Variants in TRPS1 observed in about 807,000 individuals in gnomAD.
The protein encoded by TRPS1 is transcriptional repressor GATA binding 1.
TRPS1 carries 6 observed loss-of-function variants against 101.2 expected under a neutral mutation model. The ratio of observed to expected loss-of-function variants is 0.06; its 90% CI spans 0.03 to 0.12. The LOEUF (loss-of-function observed/expected upper bound fraction) is 0.12, where lower values mean the gene tolerates loss of function less well. TRPS1 is among the 10% of genes least tolerant of loss of function. The probability of loss-of-function intolerance (pLI) is 1.00; values close to 1 mark genes in which losing one functional copy is unlikely to be tolerated. For synonymous variants in TRPS1, 578 were observed against 589.8 expected, an observed-to-expected ratio of 0.98 and a Z score of 0.29; for missense variants, 1,363 against 1,567.0, an observed-to-expected ratio of 0.87 and a Z score of 2.20.
chr8:115,606,420 T>G (rs936895597), intron 3 of TRPS1, among the ~76,000 whole-genome samples: 8 of 152,206 alleles, frequency 5.3e-5, no homozygotes, highest in Admixed American at 4.6e-4. Context: ...AACTCAACAT[T>G]TACTGTACAT....
intron 5 of TRPS1, among the ~76,000 whole-genome samples, chr8:115,481,303 A>G (rs1814745856): frequency 6.6e-6 from 1 of 152,146 alleles, no homozygotes; most frequent in Non-Finnish European, 1.5e-5. Context: ...AAATGCATTG[A>G]GTTTAAATTT....
At chr8:115,434,238 TATA>T (rs1203298510) in intron 5 of TRPS1, among the ~76,000 whole-genome samples, 1 of 152,184 alleles carries the variant, frequency 6.6e-6, no homozygotes, top group Non-Finnish European at 1.5e-5. Context: ...TAGTCTGAGA[TATA>T]ATAACAATTA....
intron 5 of TRPS1, among the ~76,000 whole-genome samples, chr8:115,426,188 G>A (rs767041733): frequency 7.9e-5 from 12 of 151,966 alleles, no homozygotes; most frequent in Non-Finnish European, 1.5e-4. Flanking sequence ...GACACTGGAA[G>A]GAAAAAAATA....
chr8:115,427,477 A>G (rs1813215171), intron 5 of TRPS1, among the ~76,000 whole-genome samples: 1 of 151,902 alleles, frequency 6.6e-6, no homozygotes, highest in African/African-American at 2.4e-5. Flanking sequence ...TATTATCATT[A>G]TTATTATTAT....
chr8:115,574,631 T>C (rs932129693), intron 5 of TRPS1, among the ~76,000 whole-genome samples: 4 of 152,124 alleles, frequency 2.6e-5, no homozygotes, highest in African/African-American at 9.7e-5. Context: ...AAAATTCAGT[T>C]TGTGCACCAA....
chr8:115,473,878 A>G (rs1403593518), intron 5 of TRPS1, among the ~76,000 whole-genome samples: 4 of 152,142 alleles, frequency 2.6e-5, no homozygotes, highest in Non-Finnish European at 5.9e-5. Flanking sequence ...AGTTTCATTA[A>G]CATTTAGAGG....
At chr8:115,547,671 C>T (rs943212965) in intron 5 of TRPS1, among the ~76,000 whole-genome samples, 1 of 152,094 alleles carries the variant, frequency 6.6e-6, no homozygotes, top group Non-Finnish European at 1.5e-5. Flanking sequence ...TGCCACGGTC[C>T]CTAGTCCCTT....
intron 5 of TRPS1, among the ~76,000 whole-genome samples, chr8:115,513,298 A>G (rs1202418379): frequency 1.3e-5 from 2 of 151,680 alleles, no homozygotes. Flanking sequence ...TTCTTCTTGC[A>G]CTATATTCCC....
intron 3 of TRPS1, among the ~76,000 whole-genome samples, chr8:115,613,747 A>G (rs1371880309): frequency 6.6e-6 from 1 of 152,210 alleles, no homozygotes; most frequent in Non-Finnish European, 1.5e-5. Flanking sequence ...CTCCACATAC[A>G]CACATAAGAA....
intron 1 of TRPS1, among the ~76,000 whole-genome samples, chr8:115,641,678 G>A (rs955975134): frequency 2.0e-5 from 3 of 152,116 alleles, no homozygotes; most frequent in Admixed American, 6.5e-5. Flanking sequence ...TCAGGAGTTC[G>A]AGATCACCCT....
At chr8:115,579,274 A>G (rs1817390511) in intron 5 of TRPS1, among the ~76,000 whole-genome samples, 1 of 152,228 alleles carries the variant, frequency 6.6e-6, no homozygotes, top group South Asian at 2.1e-4. Flanking sequence ...ATTGTTTTAA[A>G]GTAGTTTCAC....
At chr8:115,484,135 A>G (rs1346201072) in intron 5 of TRPS1, among the ~76,000 whole-genome samples, 1 of 152,154 alleles carries the variant, frequency 6.6e-6, no homozygotes, top group Non-Finnish European at 1.5e-5. Context: ...CACTTTTGCC[A>G]TTAAAATAAA....
At chr8:115,642,643 C>CT (rs943620987) in intron 1 of TRPS1, among the ~76,000 whole-genome samples, 13 of 151,762 alleles carry the variant, frequency 8.6e-5, no homozygotes, top group African/African-American at 2.9e-4. Context: ...TTAGGGACAC[C>CT]TTTTCTATCA....
At position 115,456,211 on chromosome 8, in the gene TRPS1, A is replaced by G. The variant is rs1044174406; in HGVS notation, c.2701-37759T>C. 2.6e-5 allele frequency among the ~76,000 whole-genome samples: 4 copies of G among 152,162 alleles called. No individual in the cohort carries two copies. In the South Asian group the frequency reaches 8.3e-4, roughly 31 times the overall value. ...AGGTATCCTGTGCAACGAAGTGTGG[A>G]ATATAAAGTGGAGAAGTAAAAATTA... On this transcript the variant is annotated intron_variant, in intron 5 of 6. Transcript: ENST00000395715.
intron 1 of TRPS1, among the ~76,000 whole-genome samples, chr8:115,650,256 T>C (rs1811529536): frequency 6.6e-6 from 1 of 152,252 alleles, no homozygotes; most frequent in Non-Finnish European, 1.5e-5. Flanking sequence ...TCAAAGGATT[T>C]GTAAAGTTGC....
intron 5 of TRPS1, among the ~76,000 whole-genome samples, chr8:115,428,112 A>G (rs982768132): frequency 2.0e-5 from 3 of 152,098 alleles, no homozygotes; most frequent in Admixed American, 6.5e-5. Context: ...TCAGGTAACA[A>G]TTTACTAGAT....
chr8:115,584,572 A>C (rs765289941), intron 5 of TRPS1, among the ~76,000 whole-genome samples: 1 of 151,616 alleles, frequency 6.6e-6, no homozygotes, highest in Admixed American at 6.6e-5. Flanking sequence ...CTCTGAAACT[A>C]TAAACTTATA....
At chr8:115,425,405 T>C (rs1813163246) in intron 5 of TRPS1, among the ~76,000 whole-genome samples, 1 of 152,104 alleles carries the variant, frequency 6.6e-6, no homozygotes, top group South Asian at 2.1e-4. Flanking sequence ...CCTCAACACA[T>C]CAGCAATGAT....
chr8:115,415,231 C>T lies in TRPS1; in HGVS notation c.2824-147G>A, dbSNP rs559363802. On this transcript the variant is annotated intron_variant, in intron 6 of 6. Coordinates refer to ENST00000395715, the MANE Select transcript of TRPS1 (RefSeq NM_014112.5). ...AGATTTACTAAATCTCCTCCTTTTG[C>T]CCTAAGCAGGATCAGAGGAAGTAAC... The T allele has an allele frequency of 2.2e-5, 20 of 892,958 alleles. No individual in the cohort carries two copies. In the East Asian group the frequency reaches 4.9e-4, roughly 22 times the overall value. The allele number at this position is 892,958 out of a possible 1,614,324, so 55.3% of individuals were successfully genotyped here.
Sources: allele counts gnomAD v4.1 joint callset (sites outside exome capture counted in the v4.1 genomes callset), GRCh38; gene constraint gnomAD v4.1.1; transcripts MANE v1.5; gene names NCBI Gene and HGNC (gene_info 2026-07-23, HGNC 2026-07-21).